The following SNTG2 variants were observed in gnomAD, a reference collection of about 807,000 sequenced individuals.
SNTG2 encodes syntrophin gamma 2, also known as gamma-2-syntrophin.
Under a neutral mutation model 70.9 loss-of-function variants are expected in SNTG2, and 74 were observed. The observed-to-expected ratio is 1.04, with a 90% CI of 0.86 to 1.27. The LOEUF is 1.27. SNTG2 is among the 50% of genes most tolerant of loss of function. The pLI is 0.00. For synonymous variants in SNTG2, 278 were observed against 273.8 expected, an observed-to-expected ratio of 1.02 and a Z score of -0.15; for missense variants, 717 against 690.7, an observed-to-expected ratio of 1.04 and a Z score of -0.43.
At chr2:992,503 A>G (rs1661533814) in intron 1 of SNTG2, among the ~76,000 whole-genome samples, 1 of 152,216 alleles carries the variant, frequency 6.6e-6, no homozygotes, top group Non-Finnish European at 1.5e-5. Context: ...GACTTCAAGA[A>G]TCTTTGCAAT....
intron 1 of SNTG2, among the ~76,000 whole-genome samples, chr2:996,403 C>A (rs1661682296): frequency 6.6e-6 from 1 of 152,050 alleles, no homozygotes; most frequent in Admixed American, 6.6e-5. Context: ...GTTCCTGAGC[C>A]TAATATTTAT....
At chr2:1,224,645 C>G (rs1432299054) in intron 9 of SNTG2, among the ~76,000 whole-genome samples, 1 of 152,232 alleles carries the variant, frequency 6.6e-6, no homozygotes, top group Non-Finnish European at 1.5e-5. Context: ...GAATGCATTC[C>G]ATGTTCCCCT....
intron 9 of SNTG2, among the ~76,000 whole-genome samples, chr2:1,226,156 C>T (rs115447971): frequency 0.013 from 1,946 of 152,250 alleles, 50 homozygotes; most frequent in African/African-American, 0.044. Context: ...GATTTTGATT[C>T]CATGGGCTTT....
rs757436090 is a variant in SNTG2 at position 1,097,540 on chromosome 2, G to A, written c.211-656G>A. 1.3e-5 allele frequency among the ~76,000 whole-genome samples: 2 copies of A among 152,148 alleles called. No homozygotes were observed. Among genetic ancestry groups the A allele is most frequent in the Non-Finnish European group, 2.9e-5 (2 of 68,038 alleles). ...TGTCTACCTGAAGTTGGCAACAGTC[G>A]CATTCATCAGATTAGACCACAGCAA... On this transcript the variant is annotated intron_variant, in intron 2 of 16. Coordinates refer to ENST00000308624, the MANE Select transcript of SNTG2 (RefSeq NM_018968.4). This position sits in a 1 kb window ranked among gnomAD's most constrained non-coding sequence, Gnocchi z 4.1.
At chr2:1,022,516 C>G (rs13402399) in intron 1 of SNTG2, among the ~76,000 whole-genome samples, 13,636 of 151,896 alleles carry the variant, frequency 0.09, 759 homozygotes, top group Middle Eastern at 0.14. Context: ...TCCCTGAGTT[C>G]CCGTGAGTCC....
chr2:994,200 G>C (rs1013455701), intron 1 of SNTG2, among the ~76,000 whole-genome samples: 6 of 151,894 alleles, frequency 4.0e-5, no homozygotes, highest in African/African-American at 1.5e-4. Flanking sequence ...AAATATAAAC[G>C]TATTTATTTT....
intron 2 of SNTG2, among the ~76,000 whole-genome samples, chr2:1,084,219 C>G (rs1664532859): frequency 6.6e-6 from 1 of 152,174 alleles, no homozygotes; most frequent in Non-Finnish European, 1.5e-5. Context: ...TTTCTGAGTC[C>G]TCCTGTCCTT....
At chr2:1,325,132 C>T (rs1254552483) in intron 16 of SNTG2, among the ~76,000 whole-genome samples, 1 of 152,144 alleles carries the variant, frequency 6.6e-6, no homozygotes, top group Non-Finnish European at 1.5e-5. Context: ...TAAAAATATG[C>T]CATTTCATTA....
At chr2:956,268 CCCTGCCCCTGCACCTCCCCCTGCG>C (rs1186871530) in intron 1 of SNTG2, among the ~76,000 whole-genome samples, 7 of 145,904 alleles carry the variant, frequency 4.8e-5, no homozygotes, top group Non-Finnish European at 9.1e-5. Context: ...CCTCCCCCTG[CCCTGCCCCTGCACCTCCCCCTGCG>C]CCTGCCCCTG....
At chr2:1,068,296 CAGATAT>C (rs1558361391) in intron 1 of SNTG2, 1 of 152,038 alleles carries the variant, frequency 6.6e-6, no homozygotes, top group East Asian at 1.9e-4. Context: ...GAGGTTCAAG[CAGATAT>C]AGATAGAATA....
intron 8 of SNTG2, among the ~76,000 whole-genome samples, chr2:1,177,100 C>T (rs1272894279): frequency 6.6e-6 from 1 of 152,090 alleles, no homozygotes; most frequent in Non-Finnish European, 1.5e-5. Flanking sequence ...CAATGATAGA[C>T]TTGATAAAGG....
intron 14 of SNTG2, among the ~76,000 whole-genome samples, chr2:1,287,428 A>G (rs966361924): frequency 9.9e-5 from 15 of 152,066 alleles, no homozygotes; most frequent in Non-Finnish European, 1.9e-4. Flanking sequence ...TGCTGCTCTG[A>G]CTGGTTTCTA....
intron 11 of SNTG2, among the ~76,000 whole-genome samples, chr2:1,240,465 T>C (rs938100014): frequency 6.6e-6 from 1 of 152,254 alleles, no homozygotes; most frequent in Non-Finnish European, 1.5e-5. Context: ...AATAAACTTA[T>C]GATTTAACTT....
rs1673889063 is a variant in SNTG2 at position 1,209,379 on chromosome 2, A to G, written c.719+149A>G. 18 of 1,020,122 alleles carry G rather than the reference A, an allele frequency of 1.8e-5. No individual in the cohort carries two copies. In the South Asian group the frequency reaches 2.2e-4, roughly 12 times the overall value. The allele number at this position is 1,020,122 out of a possible 1,614,324, so 63.2% of individuals were successfully genotyped here. A position where few individuals can be genotyped will look rare whatever the true frequency, so the allele number is the denominator to read the frequency against. On this transcript the variant is annotated intron_variant, in intron 9 of 16. Transcript: ENST00000308624. ...CTGGTAGATTTAGCATTTGGAATAAACAAGTTAAAGATAAAGAGAAAATGA... is the reference window on the plus strand; with the variant it reads ...CTGGTAGATTTAGCATTTGGAATAAGCAAGTTAAAGATAAAGAGAAAATGA...
chr2:1,114,771 G>C lies in SNTG2; in HGVS notation c.325+16361G>C, dbSNP rs115081276. ...TGAAGTTTAACCCTTATACTCCTTT[G>C]AGAAGGATCGTGTGTACTAAGGGAA... On this transcript the variant is annotated intron_variant, in intron 4 of 16. Transcript: ENST00000308624. Among the ~76,000 whole-genome samples, 845 of 152,166 alleles carry C rather than the reference G, an allele frequency of 5.6e-3. 9 individuals are homozygous for C. The highest frequency in any genetic ancestry group is 0.019 in the African/African-American group (800 of 41,518).
intron 8 of SNTG2, among the ~76,000 whole-genome samples, chr2:1,182,671 T>G (rs1464739616): frequency 6.6e-6 from 1 of 152,226 alleles, no homozygotes; most frequent in Non-Finnish European, 1.5e-5. Context: ...AGTGAAAACT[T>G]AAACTTTACA....
chr2:996,701 T>TTTTTTTTTTTTTTTTTC (rs1462680921), intron 1 of SNTG2, among the ~76,000 whole-genome samples: 1 of 110,808 alleles, frequency 9.0e-6, no homozygotes, highest in African/African-American at 3.4e-5. Context: ...TTTTTTTTTT[T>TTTTTTTTTTTTTTTTTC]TTTACTACCA....
rs67031103 is a variant in SNTG2 at position 1,159,145 on chromosome 2, T to TGG, written c.412-6396_412-6395dup. ...GTGTGTATGCATGGGTGTGCATATG[T>TGG]GGGGGGGGTGTGTGAGTGCATGAGT... On this transcript the variant is annotated intron_variant, in intron 6 of 16. Coordinates refer to ENST00000308624, the MANE Select transcript of SNTG2 (RefSeq NM_018968.4). Among the ~76,000 whole-genome samples, 286 of 148,640 alleles carry TGG rather than the reference T, an allele frequency of 1.9e-3. 1 individual carries two copies. In the South Asian group the frequency reaches 0.023, roughly 12 times the overall value.
chr2:1,085,739 A>T (rs888264795), intron 2 of SNTG2, among the ~76,000 whole-genome samples: 1 of 152,202 alleles, frequency 6.6e-6, no homozygotes, highest in African/African-American at 2.4e-5. Flanking sequence ...ATGTTTAAGG[A>T]TCTCAGGATT....
Sources: gnomAD v4.1 joint callset for allele counts (sites outside exome capture counted in the v4.1 genomes callset) on GRCh38, gnomAD v4.1.1 for gene constraint, Gnocchi (gnomAD v3.1) non-coding constraint, MANE v1.5 for transcripts, NCBI Gene and HGNC (gene_info 2026-07-23, HGNC 2026-07-21) for gene names.